The following SPTBN1 variants were observed in gnomAD, a reference collection of about 807,000 sequenced individuals.
SPTBN1 encodes spectrin beta chain, non-erythrocytic 1.
SPTBN1 carries 32 observed loss-of-function variants against 266.4 expected under a neutral mutation model. The observed-to-expected ratio is 0.12, with a 90% CI of 0.09 to 0.16. The LOEUF (loss-of-function observed/expected upper bound fraction) is 0.16. Among genes scored for constraint, SPTBN1 ranks in the 10% least tolerant of loss-of-function variants. SPTBN1 has a pLI of 1.00. For missense variants in SPTBN1, 2,296 were observed against 3,067.1 expected, an observed-to-expected ratio of 0.75 and a Z score of 5.94; for synonymous variants, 1,336 against 1,162.2, an observed-to-expected ratio of 1.15 and a Z score of -3.04.
At chr2:54,508,477 T>C (rs940069151) in intron 1 of SPTBN1, among the ~76,000 whole-genome samples, 1 of 152,110 alleles carries the variant, frequency 6.6e-6, no homozygotes, top group African/African-American at 2.4e-5. Context: ...TCCTTGAGGA[T>C]AGATTTTTGC....
In SPTBN1 at chr2:54,646,408, A is replaced by G; in HGVS notation, c.4799A>G (p.Asp1600Gly). Residue 1600 changes from aspartate (D) to glycine (G), a missense_variant, in exon 23 of 36, where the codon GAC (aspartate) becomes GGC (glycine). Physicochemically the swap from Asp to Gly is moderately conservative, Grantham distance 94. Transcript: ENST00000356805. The surrounding 1 kb of genome is among the most constrained non-coding windows in gnomAD (Gnocchi z 4.4). ...EAHRAQQYYF[D>G]AAEAEAWMSE... ...CACAGGGCCCAGCAGTACTACTTTG[A>G]CGCTGCTGAGGCCGAAGCCTGGATG... 1 of 1,602,364 alleles carries G rather than the reference A, an allele frequency of 6.2e-7. No homozygotes were observed. Among genetic ancestry groups the G allele is most frequent in the Non-Finnish European group, 8.5e-7 (1 of 1,174,334 alleles).
In SPTBN1 at chr2:54,502,071, T is replaced by C. The variant is rs76928947; in HGVS notation, c.-47-24301T>C. On this transcript the variant is annotated intron_variant, in intron 1 of 35. Coordinates refer to ENST00000356805, the MANE Select transcript of SPTBN1 (RefSeq NM_003128.3). Reference sequence around the variant, plus strand: ...AAATGCTAAACTCTGAGAGAGAGAGTATGTGTATTTTTCTTTTCAGGATGT... The same window carrying C: ...AAATGCTAAACTCTGAGAGAGAGAGCATGTGTATTTTTCTTTTCAGGATGT... 7.5e-4 allele frequency among the ~76,000 whole-genome samples: 114 copies of C among 152,168 alleles called. 1 individual carries two copies. Among genetic ancestry groups the C allele is most frequent in the African/African-American group, 2.7e-3 (110 of 41,502 alleles).
chr2:54,606,204 A>C (rs1047721150), intron 3 of SPTBN1, among the ~76,000 whole-genome samples: 1 of 152,240 alleles, frequency 6.6e-6, no homozygotes, highest in African/African-American at 2.4e-5. Flanking sequence ...GTCTGAAAGA[A>C]CATTGGTTAT....
chr2:54,464,057 A>G (rs1028724865), intron 1 of SPTBN1, among the ~76,000 whole-genome samples: 2 of 152,202 alleles, frequency 1.3e-5, no homozygotes, highest in Non-Finnish European at 2.9e-5. Flanking sequence ...GGCTGCTGTG[A>G]GATGGGAGCT....
At chr2:54,598,683 A>T (rs893467363) in intron 2 of SPTBN1, among the ~76,000 whole-genome samples, 2 of 152,138 alleles carry the variant, frequency 1.3e-5, no homozygotes, top group South Asian at 4.1e-4. Flanking sequence ...TTACCAGTCA[A>T]GTATTATGGT....
chr2:54,522,678 GGAGAGAGAGA>G (rs1553439420), intron 1 of SPTBN1, among the ~76,000 whole-genome samples: 1 of 78,578 alleles, frequency 1.3e-5, no homozygotes, highest in Non-Finnish European at 2.7e-5. Flanking sequence ...GAGAGAGAGA[GGAGAGAGAGA>G]GAGAGAGAGA....
intron 2 of SPTBN1, among the ~76,000 whole-genome samples, chr2:54,544,778 TTTTTA>T (rs1235831119): frequency 3.3e-5 from 5 of 152,300 alleles, no homozygotes; most frequent in African/African-American, 4.8e-5. Flanking sequence ...TATTTTTTTA[TTTTTA>T]TTTTTTATTA....
In SPTBN1 at chr2:54,482,766, G is replaced by A. The variant is rs137938286; in HGVS notation, c.-48+26248G>A. Among the ~76,000 whole-genome samples, 886 of 152,206 alleles carry A rather than the reference G, an allele frequency of 5.8e-3. 8 individuals are homozygous for A. Among genetic ancestry groups the A allele is most frequent in the African/African-American group, 0.02 (846 of 41,526 alleles). ...GTTTCATTGGGCAGCCTAGATCTAG[G>A]GTGTCAACAAAACATGGGAGGAGCA... On this transcript the variant is annotated intron_variant, in intron 1 of 35. Transcript: ENST00000356805.
intron 1 of SPTBN1, among the ~76,000 whole-genome samples, chr2:54,483,898 A>G (rs1573241322): frequency 6.6e-6 from 1 of 152,178 alleles, no homozygotes; most frequent in Non-Finnish European, 1.5e-5. Flanking sequence ...GGTTGTATCC[A>G]AATATCTGTA....
chr2:54,623,117 T>TA (rs1678103798), intron 9 of SPTBN1, among the ~76,000 whole-genome samples: 1 of 152,170 alleles, frequency 6.6e-6, no homozygotes, highest in South Asian at 2.1e-4. Context: ...GTAAGGTCTC[T>TA]AAAACCCATT....
At chr2:54,606,702 CA>C (rs1222980762) in intron 3 of SPTBN1, among the ~76,000 whole-genome samples, 1 of 152,232 alleles carries the variant, frequency 6.6e-6, no homozygotes, top group East Asian at 1.9e-4. Context: ...AAAGAGCACA[CA>C]TGAGAGCCAT....
rs1175767101 is a variant in SPTBN1, at chr2:54,533,891, G to GTC, written c.148+7334_148+7335dup. On this transcript the variant is annotated intron_variant, in intron 2 of 35. Transcript: ENST00000356805. The surrounding 1 kb of genome is among the most constrained non-coding windows in gnomAD (Gnocchi z 4.2). The stretch of plus-strand genomic sequence containing the variant: ...GGGGGAAAGATTGATCTCTCTCTCT[G>GTC]TCTCTCTCTCACACACACACACACA... Among the ~76,000 whole-genome samples, 8 of 120,658 alleles carry GTC rather than the reference G, an allele frequency of 6.6e-5. No individual in the cohort carries two copies. The highest frequency in any genetic ancestry group is 1.7e-4 in the African/African-American group (5 of 29,002). The allele number at this position is 120,658 out of a possible 152,430, so 79.2% of individuals were successfully genotyped here. A position where few individuals can be genotyped will look rare whatever the true frequency, so the allele number is the denominator to read the frequency against.
At chr2:54,601,935 G>A (rs970161430) in intron 3 of SPTBN1, among the ~76,000 whole-genome samples, 9 of 152,152 alleles carry the variant, frequency 5.9e-5, no homozygotes, top group Non-Finnish European at 1.3e-4. Flanking sequence ...CAAGTATCAT[G>A]TAGGCATTTG....
chr2:54,633,121 C>T (rs955992380), intron 17 of SPTBN1, among the ~76,000 whole-genome samples: 12 of 152,086 alleles, frequency 7.9e-5, no homozygotes, highest in Non-Finnish European at 8.8e-5. Flanking sequence ...GGACCCCTGG[C>T]GCCAGGTATT....
At chr2:54,584,647 G>T (rs576337694) in intron 2 of SPTBN1, among the ~76,000 whole-genome samples, 2 of 152,248 alleles carry the variant, frequency 1.3e-5, no homozygotes, top group Admixed American at 1.3e-4. Flanking sequence ...TAAGTTTCCA[G>T]CCCTTCCCAC....
intron 1 of SPTBN1, among the ~76,000 whole-genome samples, chr2:54,469,842 G>A (rs1193567731): frequency 6.6e-6 from 1 of 152,218 alleles, no homozygotes; most frequent in Non-Finnish European, 1.5e-5. Context: ...TGACAAGTCT[G>A]TGCTGCCAGT....
At chr2:54,570,449 T>C (rs1673977304) in intron 2 of SPTBN1, among the ~76,000 whole-genome samples, 1 of 152,216 alleles carries the variant, frequency 6.6e-6, no homozygotes, top group African/African-American at 2.4e-5. Context: ...TCATGAAGAA[T>C]GTGAGCAAAA....
chr2:54,559,033 G>A (rs1416303790), intron 2 of SPTBN1: 4 of 897,582 alleles, frequency 4.5e-6, no homozygotes, highest in Non-Finnish European at 6.6e-6. Context: ...TCACGACTTA[G>A]GGAAGGCAGT....
intron 1 of SPTBN1, among the ~76,000 whole-genome samples, chr2:54,489,465 C>A (rs1277865362): frequency 6.6e-6 from 1 of 152,206 alleles, no homozygotes; most frequent in Non-Finnish European, 1.5e-5. Context: ...CTTTGGGAGG[C>A]TGAAGTGGGT....
Sources: allele counts gnomAD v4.1 joint callset (sites outside exome capture counted in the v4.1 genomes callset), GRCh38; gene constraint gnomAD v4.1.1; non-coding constraint Gnocchi (gnomAD v3.1); transcripts MANE v1.5; gene names NCBI Gene and HGNC (gene_info 2026-07-23, HGNC 2026-07-21).